The following AKT2 variants were observed in gnomAD, a reference collection of about 807,000 sequenced individuals.
AKT2 encodes AKT serine/threonine kinase 2.
A neutral mutation model predicts 58.6 loss-of-function variants in AKT2; 16 were observed. The observed-to-expected ratio is 0.27, with a 90% CI of 0.18 to 0.41. AKT2 has a LOEUF of 0.41. Ranked by LOEUF, AKT2 falls within the 10% of genes least tolerant of loss-of-function variation. The probability of loss-of-function intolerance (pLI) is 1.00; values close to 1 mark genes in which losing one functional copy is unlikely to be tolerated. For synonymous variants in AKT2, 253 were observed against 254.0 expected (o/e 1.00, Z 0.04); for missense variants, 438 against 661.0 (o/e 0.66, Z 3.70).
In AKT2 at chr19:40,285,242, C is replaced by A. The variant is rs1465099913; in HGVS notation, c.-146G>T. 3 of 395,436 alleles carry A rather than the reference C, an allele frequency of 7.6e-6. No individual in the cohort carries two copies. The highest frequency in any genetic ancestry group is 3.6e-5 in the East Asian group (1 of 27,890). The allele number at this position is 395,436 out of a possible 1,614,324, so 24.5% of individuals were successfully genotyped here. On this transcript the variant is annotated 5_prime_UTR_variant, in exon 1 of 14. Coordinates refer to ENST00000392038, the MANE Select transcript of AKT2 (RefSeq NM_001626.6). ...TCTACCCCCGCCCATCGCCACGCTGCGCTGGTTCCCTTTCCTTGTGTTTCC... is the reference window on the plus strand; with the variant it reads ...TCTACCCCCGCCCATCGCCACGCTGAGCTGGTTCCCTTTCCTTGTGTTTCC...
At chr19:40,284,891 G>A in intron 1 of AKT2, 1 of 273,212 alleles carries the variant, frequency 3.7e-6, no homozygotes, top group Non-Finnish European at 6.8e-6. Context: ...CGCCGCGCCC[G>A]AAAGGTCCAG....
chr19:40,238,227 C>A lies in AKT2; in HGVS notation c.709-136G>T. ...ACCAGCAAGTGACAGCTAGAGGGACCAATCAAGGCAGAGCGCAGAAGCTCA... is the reference window on the plus strand; with the variant it reads ...ACCAGCAAGTGACAGCTAGAGGGACAAATCAAGGCAGAGCGCAGAAGCTCA... On this transcript the variant is annotated intron_variant, in intron 8 of 13. Transcript: ENST00000392038. The surrounding 1 kb of genome is among the most constrained non-coding windows in gnomAD (Gnocchi z 5.1). 4 of 1,214,954 alleles carry A rather than the reference C, an allele frequency of 3.3e-6. No individual in the cohort carries two copies. Among genetic ancestry groups the A allele is most frequent in the Non-Finnish European group, 4.6e-6 (4 of 865,834 alleles). The allele number at this position is 1,214,954 out of a possible 1,614,324, so 75.3% of individuals were successfully genotyped here. A position where few individuals can be genotyped will look rare whatever the true frequency, so the allele number is the denominator to read the frequency against.
intron 2 of AKT2, 81 bp from the exon 3 acceptor site, chr19:40,257,135 T>C: frequency 6.5e-7 from 1 of 1,550,020 alleles, no homozygotes; most frequent in Admixed American, 1.7e-5. Context: ...AGGCCCAGTG[T>C]GACGGTGACT....
chr19:40,284,215 G>T (rs559239277), intron 1 of AKT2, among the ~76,000 whole-genome samples: 2 of 152,226 alleles, frequency 1.3e-5, no homozygotes, highest in Admixed American at 6.5e-5. Context: ...CTGGGGGGAA[G>T]AGGTGTTCCC....
At chr19:40,275,771 G>GGT (rs1555778583) in intron 1 of AKT2, among the ~76,000 whole-genome samples, 2 of 100,074 alleles carry the variant, frequency 2.0e-5, no homozygotes, top group East Asian at 3.6e-4. Context: ...GGCTGGGGGG[G>GGT]GGGGGGGTGG....
intron 4 of AKT2, chr19:40,243,291 T>A (rs1974526231): frequency 6.4e-6 from 1 of 156,640 alleles, no homozygotes; most frequent in South Asian, 1.9e-4. Context: ...GCCACCACCC[T>A]GAGCCTTGAA....
chr19:40,234,570 A>C lies in AKT2; in HGVS notation c.1366+475T>G. ...CTTCCTCCTCTAGAAAGCCCTCCCT[A>C]ACTGCAGGCCAGGTCGGATATTTCC... On this transcript the variant is annotated intron_variant, in intron 13 of 13. Coordinates refer to ENST00000392038, the MANE Select transcript of AKT2 (RefSeq NM_001626.6). This position sits in a 1 kb window ranked among gnomAD's most constrained non-coding sequence, Gnocchi z 4.7. 1 of 367,548 alleles carries C rather than the reference A, an allele frequency of 2.7e-6. No homozygotes were observed. The highest frequency in any genetic ancestry group is 4.9e-6 in the Non-Finnish European group (1 of 203,858). The allele number at this position is 367,548 out of a possible 1,614,324, so 22.8% of individuals were successfully genotyped here.
intron 1 of AKT2, chr19:40,282,782 A>T: frequency 3.1e-6 from 1 of 319,492 alleles, no homozygotes; most frequent in South Asian, 2.4e-5. Context: ...GGACTCTGCA[A>T]AAAAGGACAC....
At chr19:40,275,523 G>C (rs911162886) in intron 1 of AKT2, 2 of 363,050 alleles carry the variant, frequency 5.5e-6, no homozygotes, top group Non-Finnish European at 1.1e-5. Context: ...CCCAGGGAGA[G>C]AGCCACATGC....
At position 40,233,235 on chromosome 19, in the gene AKT2, G is replaced by A. The variant is rs1162340155; in HGVS notation, c.*637C>T. Reference sequence around the variant, plus strand: ...CGGACCAGGAGGCGGCACCCAGCCCGGCCACTCCTGGTTCCCCATGGTACA... The same window carrying A: ...CGGACCAGGAGGCGGCACCCAGCCCAGCCACTCCTGGTTCCCCATGGTACA... On this transcript the variant is annotated 3_prime_UTR_variant, in exon 14 of 14. Coordinates refer to ENST00000392038, the MANE Select transcript of AKT2 (RefSeq NM_001626.6). The surrounding 1 kb of genome is among the most constrained non-coding windows in gnomAD (Gnocchi z 4.3). 1.9e-5 allele frequency: 5 copies of A among 263,240 alleles called. No individual in the cohort carries two copies. Among genetic ancestry groups the A allele is most frequent in the Admixed American group, 1.0e-4 (2 of 19,982 alleles). 16.3% of individuals were successfully genotyped at this position (263,240 alleles called of 1,614,324 possible).
chr19:40,240,721 C>T, intron 6 of AKT2: 1 of 192,194 alleles, frequency 5.2e-6, no homozygotes, highest in Admixed American at 5.4e-5. Context: ...AACGTGAACA[C>T]AGGCTCTCTC....
At chr19:40,283,538 C>T (rs1166062008) in intron 1 of AKT2, among the ~76,000 whole-genome samples, 1 of 152,230 alleles carries the variant, frequency 6.6e-6, no homozygotes, top group African/African-American at 2.4e-5. Context: ...CCCCCTCTGA[C>T]CACATCACCA....
chr19:40,240,197 A>AGCGACTTCATCC, intron 6 of AKT2, 87 bp from the exon 7 acceptor site: 1 of 1,309,310 alleles, frequency 7.6e-7, no homozygotes, highest in Non-Finnish European at 1.1e-6. Flanking sequence ...GCCTTGTGAA[A>AGCGACTTCATCC]TGCAATTCCA....
chr19:40,269,624 A>G (rs755205016), intron 1 of AKT2: 3 of 152,188 alleles, frequency 2.0e-5, no homozygotes, highest in Non-Finnish European at 4.4e-5. Flanking sequence ...TGTATGTACA[A>G]AAGACTTGTA....
At chr19:40,274,944 G>A (rs886776590) in intron 1 of AKT2, 2 of 399,352 alleles carry the variant, frequency 5.0e-6, no homozygotes, top group African/African-American at 4.1e-5. Context: ...GGGCAGGGCA[G>A]GAGTCCTTAG....
Position 40,234,661 on chromosome 19 carries a change from C to A in AKT2, c.1366+384G>T, listed in dbSNP as rs1307044790. ...TGACCACTCCAGGCCGCCCACCCTA[C>A]CTGGGCTGGGAGCTTTCCAGGGCAG... On this transcript the variant is annotated intron_variant, in intron 13 of 13. Coordinates refer to ENST00000392038, the MANE Select transcript of AKT2 (RefSeq NM_001626.6). The surrounding 1 kb of genome is among the most constrained non-coding windows in gnomAD (Gnocchi z 4.7). 1.2e-5 allele frequency: 7 copies of A among 561,620 alleles called. No individual in the cohort carries two copies. The East Asian group carries it at 2.0e-4, about 16-fold the overall frequency. The allele number at this position is 561,620 out of a possible 1,614,324, so 34.8% of individuals were successfully genotyped here. A position where few individuals can be genotyped will look rare whatever the true frequency, so the allele number is the denominator to read the frequency against.
At chr19:40,274,952 T>C in intron 1 of AKT2, 1 of 407,362 alleles carries the variant, frequency 2.5e-6, no homozygotes, top group Non-Finnish European at 5.0e-6. Context: ...CAGGAGTCCT[T>C]AGGGAGGCAG....
chr19:40,252,459 A>C (rs1026109671), intron 4 of AKT2, among the ~76,000 whole-genome samples: 1 of 152,150 alleles, frequency 6.6e-6, no homozygotes, highest in Non-Finnish European at 1.5e-5. Flanking sequence ...GCCTACTAAA[A>C]CACCTTGTCA....
At chr19:40,275,313 T>G (rs1329005863) in intron 1 of AKT2, 1 of 456,262 alleles carries the variant, frequency 2.2e-6, no homozygotes, top group Non-Finnish European at 4.4e-6. Context: ...GCATGGGGAA[T>G]CCCTGACCCA....
Sources: allele counts gnomAD v4.1 joint callset (sites outside exome capture counted in the v4.1 genomes callset), GRCh38; gene constraint gnomAD v4.1.1; non-coding constraint Gnocchi (gnomAD v3.1); transcripts MANE v1.5; gene names NCBI Gene and HGNC (gene_info 2026-07-23, HGNC 2026-07-21).